The following ULK4 variants were observed in gnomAD, a reference collection of about 807,000 sequenced individuals.
ULK4 encodes inactive serine/threonine-protein kinase ULK4.
A neutral mutation model predicts 160.6 loss-of-function variants in ULK4; 133 were observed. The ratio of observed to expected loss-of-function variants is 0.83; its 90% CI spans 0.72 to 0.96. The LOEUF (loss-of-function observed/expected upper bound fraction) is 0.96. ULK4 is among the 40% of genes least tolerant of loss of function. ULK4 has a pLI of 0.00. For missense variants in ULK4, 1,580 were observed against 1,499.5 expected (o/e 1.05, Z -0.89); for synonymous variants, 534 against 539.8 (o/e 0.99, Z 0.15).
At chr3:41,635,550 C>A (rs1276765472) in intron 30 of ULK4, among the ~76,000 whole-genome samples, 1 of 151,994 alleles carries the variant, frequency 6.6e-6, no homozygotes, top group Non-Finnish European at 1.5e-5. Context: ...TGATATGTTA[C>A]TTGTCTTTTT....
chr3:41,648,264 T>C (rs1224180938), intron 30 of ULK4, among the ~76,000 whole-genome samples: 1 of 152,158 alleles, frequency 6.6e-6, no homozygotes, highest in African/African-American at 2.4e-5. Context: ...CAGATGGAAA[T>C]GCAGAAATCA....
chr3:41,372,200 A>T (rs986258934), intron 35 of ULK4, among the ~76,000 whole-genome samples: 35 of 152,272 alleles, frequency 2.3e-4, no homozygotes, highest in African/African-American at 8.4e-4. Flanking sequence ...GAAAGAATGG[A>T]ACCAAGTTGG....
intron 34 of ULK4, among the ~76,000 whole-genome samples, chr3:41,439,395 G>A (rs2083109539): frequency 6.6e-6 from 1 of 152,132 alleles, no homozygotes; most frequent in Non-Finnish European, 1.5e-5. Context: ...GATGAACTTG[G>A]ATAGGAAGTT....
At chr3:41,408,344 C>T (rs1457974334) in intron 34 of ULK4, among the ~76,000 whole-genome samples, 10 of 142,512 alleles carry the variant, frequency 7.0e-5, no homozygotes, top group East Asian at 2.1e-4. Context: ...AGGAGAATGG[C>T]GTGAACCCAA....
At chr3:41,936,679 G>A (rs145333275) in intron 3 of ULK4, among the ~76,000 whole-genome samples, 5 of 152,258 alleles carry the variant, frequency 3.3e-5, no homozygotes, top group South Asian at 2.1e-4. Context: ...GACAAACATC[G>A]CATGTCCTCA....
intron 33 of ULK4, among the ~76,000 whole-genome samples, chr3:41,462,143 G>A (rs1029631713): frequency 6.6e-6 from 1 of 152,120 alleles, no homozygotes; most frequent in Admixed American, 6.5e-5. Context: ...TATTAGACAA[G>A]CTAAATACTT....
intron 4 of ULK4, among the ~76,000 whole-genome samples, chr3:41,932,339 T>G (rs944224711): frequency 6.6e-6 from 1 of 152,328 alleles, no homozygotes; most frequent in East Asian, 1.9e-4. Flanking sequence ...ATAACAGGAT[T>G]TGAAAACCCA....
At chr3:41,626,917 T>C (rs186055021) in intron 30 of ULK4, among the ~76,000 whole-genome samples, 57 of 152,298 alleles carry the variant, frequency 3.7e-4, no homozygotes, top group African/African-American at 1.3e-3. Context: ...ACAGCTGTAT[T>C]TCATGTCCAT....
chr3:41,692,288 C>T (rs146625505), intron 27 of ULK4, among the ~76,000 whole-genome samples: 2 of 152,102 alleles, frequency 1.3e-5, no homozygotes, highest in African/African-American at 2.4e-5. Flanking sequence ...AAAACCACGA[C>T]GACACAATCT....
At chr3:41,713,474 CAACA>C (rs2037169782) in intron 25 of ULK4, among the ~76,000 whole-genome samples, 1 of 152,062 alleles carries the variant, frequency 6.6e-6, no homozygotes, top group South Asian at 2.1e-4. Flanking sequence ...CAGTTAAGGC[CAACA>C]AACAAACACA....
chr3:41,370,491 C>T (rs957575392), intron 35 of ULK4, among the ~76,000 whole-genome samples: 1 of 152,090 alleles, frequency 6.6e-6, no homozygotes, highest in Non-Finnish European at 1.5e-5. Context: ...TTAGACAGTG[C>T]GTACAGCCCA....
At chr3:41,693,504 T>C (rs1414348637) in intron 27 of ULK4, among the ~76,000 whole-genome samples, 1 of 152,170 alleles carries the variant, frequency 6.6e-6, no homozygotes, top group Non-Finnish European at 1.5e-5. Context: ...TAAGAACTGA[T>C]ATGGAGTAAT....
intron 32 of ULK4, among the ~76,000 whole-genome samples, chr3:41,553,285 G>C (rs1415451507): frequency 6.6e-6 from 1 of 152,044 alleles, no homozygotes; most frequent in African/African-American, 2.4e-5. Flanking sequence ...CTTCTGCATA[G>C]CAAAGAAAAC....
intron 19 of ULK4, among the ~76,000 whole-genome samples, chr3:41,800,913 A>T (rs895824257): frequency 2.6e-5 from 4 of 152,188 alleles, no homozygotes; most frequent in African/African-American, 9.7e-5. Context: ...AAAAGCCCAG[A>T]AGTACTTACA....
chr3:41,954,068 C>T (rs866055875), intron 2 of ULK4, among the ~76,000 whole-genome samples: 1 of 151,084 alleles, frequency 6.6e-6, no homozygotes, highest in Non-Finnish European at 1.5e-5. Flanking sequence ...ACTACAGCTA[C>T]TCGGGAGGCT....
At chr3:41,656,644 G>A (rs1297569164) in intron 30 of ULK4, among the ~76,000 whole-genome samples, 3 of 152,150 alleles carry the variant, frequency 2.0e-5, no homozygotes, top group Non-Finnish European at 2.9e-5. Flanking sequence ...ACAGGTGACT[G>A]TATGGCCAGA....
intron 2 of ULK4, among the ~76,000 whole-genome samples, chr3:41,952,536 T>C (rs757267072): frequency 6.6e-6 from 1 of 151,464 alleles, no homozygotes; most frequent in Non-Finnish European, 1.5e-5. Flanking sequence ...CTCACACCCA[T>C]TAGGATGGTT....
chr3:41,733,384 T>C (rs568434537), intron 22 of ULK4, among the ~76,000 whole-genome samples: 4 of 152,208 alleles, frequency 2.6e-5, no homozygotes, highest in East Asian at 3.9e-4. Flanking sequence ...CTGTGTCAGA[T>C]GATGCAGGAG....
At chr3:41,690,781 C>T (rs1348361565) in intron 27 of ULK4, among the ~76,000 whole-genome samples, 1 of 151,876 alleles carries the variant, frequency 6.6e-6, no homozygotes, top group African/African-American at 2.4e-5. Flanking sequence ...CATATGTTTC[C>T]AGGTAACTGC....
Sources: gnomAD v4.1 joint callset for allele counts (sites outside exome capture counted in the v4.1 genomes callset) on GRCh38, gnomAD v4.1.1 for gene constraint, MANE v1.5 for transcripts, NCBI Gene and HGNC (gene_info 2026-07-23, HGNC 2026-07-21) for gene names.